Variants in KCNJ5 observed in about 807,000 individuals in gnomAD.
KCNJ5 encodes potassium inwardly rectifying channel subfamily J member 5.
In KCNJ5, 12 loss-of-function variants were observed where a neutral mutation model predicts 20.2. That is an observed-to-expected ratio of 0.59 (90% CI 0.38 to 0.96). The LOEUF is 0.96. KCNJ5 is among the 40% of genes least tolerant of loss of function. The probability of loss-of-function intolerance (pLI) is 0.00; values close to 1 mark genes in which losing one functional copy is unlikely to be tolerated. For missense variants in KCNJ5, 449 were observed against 557.6 expected (o/e 0.81, Z 1.96); for synonymous variants, 210 against 213.9 (o/e 0.98, Z 0.16).
rs1274434170 is a variant in KCNJ5, at chr11:128,920,144, C to T, written c.*3413C>T. ...AACTCGTTCCCACTCATTTTCCTTG[C>T]TCCACCAATCTGACGCCTGACAGAT... On this transcript the variant is annotated 3_prime_UTR_variant, in exon 3 of 3. Transcript: ENST00000529694. 3 of 152,308 alleles carry T rather than the reference C, an allele frequency of 2.0e-5. No individual in the cohort carries two copies. Among genetic ancestry groups the T allele is most frequent in the Non-Finnish European group, 4.4e-5 (3 of 68,086 alleles). 9.4% of individuals were successfully genotyped at this position (152,308 alleles called of 1,614,324 possible).
At chr11:128,904,726 A>C in intron 1 of KCNJ5, 2 of 583,670 alleles carry the variant, frequency 3.4e-6, no homozygotes, top group Non-Finnish European at 6.1e-6. Flanking sequence ...ACATAATTCA[A>C]ACACCCAGTG....
intron 1 of KCNJ5, among the ~76,000 whole-genome samples, chr11:128,892,263 A>G (rs968163072): frequency 2.0e-5 from 3 of 152,228 alleles, no homozygotes; most frequent in African/African-American, 7.2e-5. Context: ...GAGCTTTCAA[A>G]TGGTTCAGAA....
chr11:128,904,981 C>T (rs543414978), intron 1 of KCNJ5, among the ~76,000 whole-genome samples: 74 of 152,344 alleles, frequency 4.9e-4, no homozygotes, highest in Non-Finnish European at 7.3e-4. Flanking sequence ...TACCACCGGG[C>T]TCTGTGCCAT....
At chr11:128,896,691 G>A (rs1276252789) in intron 1 of KCNJ5, among the ~76,000 whole-genome samples, 3 of 151,918 alleles carry the variant, frequency 2.0e-5, no homozygotes, top group Admixed American at 2.0e-4. Context: ...ATAGTGGGAA[G>A]GTACCATTGC....
chr11:128,914,507 C>G (rs934579338), intron 2 of KCNJ5, among the ~76,000 whole-genome samples: 2 of 152,206 alleles, frequency 1.3e-5, no homozygotes, highest in Non-Finnish European at 2.9e-5. Flanking sequence ...TGGCCCACAT[C>G]TGTCCTGGAT....
At chr11:128,909,043 C>T (rs1944464683) in intron 1 of KCNJ5, among the ~76,000 whole-genome samples, 1 of 152,086 alleles carries the variant, frequency 6.6e-6, no homozygotes, top group Non-Finnish European at 1.5e-5. Flanking sequence ...AGCAGGTGGC[C>T]CTATGCAGAA....
At chr11:128,902,420 G>T in intron 1 of KCNJ5, 2 of 1,104,426 alleles carry the variant, frequency 1.8e-6, no homozygotes, top group Non-Finnish European at 2.6e-6. Flanking sequence ...GTTCTCTGCA[G>T]CAGGTTTGCA....
Position 128,910,350 on chromosome 11 carries a change from T to G in KCNJ5, c.-10-914T>G, listed in dbSNP as rs115566487. On this transcript the variant is annotated intron_variant, in intron 1 of 2. Coordinates refer to ENST00000529694, the MANE Select transcript of KCNJ5 (RefSeq NM_000890.5). Reference sequence around the variant, plus strand: ...TTAACATCCTGTCCAGTTCCATTTCTTAGAGGACAGGGAATCAAATTTTCT... The same window carrying G: ...TTAACATCCTGTCCAGTTCCATTTCGTAGAGGACAGGGAATCAAATTTTCT... Among the ~76,000 whole-genome samples, 1,250 of 152,280 alleles carry G rather than the reference T, an allele frequency of 8.2e-3. 16 individuals carry two copies. The highest frequency in any genetic ancestry group is 0.029 in the African/African-American group (1,204 of 41,526).
At chr11:128,916,111 TG>T (rs1944576190) in intron 2 of KCNJ5, among the ~76,000 whole-genome samples, 3 of 75,680 alleles carry the variant, frequency 4.0e-5, no homozygotes, top group South Asian at 4.1e-4. Flanking sequence ...ATTGGATGGA[TG>T]GATGGATGGA....
Position 128,919,881 on chromosome 11 carries a change from C to T in KCNJ5, c.*3150C>T, listed in dbSNP as rs1259441450. The T allele has an allele frequency of 6.6e-6, 1 of 152,238 alleles. No homozygotes were observed. The highest frequency in any genetic ancestry group is 2.4e-5 in the African/African-American group (1 of 41,442). The allele number at this position is 152,238 out of a possible 1,614,324, so 9.4% of individuals were successfully genotyped here. A position where few individuals can be genotyped will look rare whatever the true frequency, so the allele number is the denominator to read the frequency against. ...ATACAAACCACTCAGAGGCCACTGC[C>T]CTTGGTTCTGTGATGGCTCTGAGCC... On this transcript the variant is annotated 3_prime_UTR_variant, in exon 3 of 3. Transcript: ENST00000529694.
Position 128,912,181 on chromosome 11 carries a change from T to C in KCNJ5, c.908T>C (p.Val303Ala). 6.2e-7 allele frequency: 1 copy of C among 1,605,870 alleles called. No individual in the cohort carries two copies. Among genetic ancestry groups the C allele is most frequent in the Non-Finnish European group, 8.5e-7 (1 of 1,179,956 alleles). ...CATCAGGAAGAGTTTGAAGTTGTGGTCATTCTAGAAGGGATGGTGGAAGCC... is the reference window on the plus strand; with the variant it reads ...CATCAGGAAGAGTTTGAAGTTGTGGCCATTCTAGAAGGGATGGTGGAAGCC... ...QLHQEEFEVV[V>A]ILEGMVEATG... Residue 303 changes from valine to alanine, a missense_variant, in exon 2 of 3, where the codon GTC becomes GCC. This residue lies in a region of KCNJ5 where 145 missense variants were observed against 166.2 expected (regional missense o/e 0.87). Coordinates refer to ENST00000529694, the MANE Select transcript of KCNJ5 (RefSeq NM_000890.5).
intron 2 of KCNJ5, among the ~76,000 whole-genome samples, chr11:128,915,108 T>G (rs78704918): frequency 0.085 from 12,957 of 152,302 alleles, 642 homozygotes; most frequent in East Asian, 0.2. Context: ...AAGTGGGAGC[T>G]GGAGACGGTT....
chr11:128,900,875 T>C (rs544819855), intron 1 of KCNJ5: 1 of 152,278 alleles, frequency 6.6e-6, no homozygotes, highest in African/African-American at 2.4e-5. Flanking sequence ...TTCCACATAC[T>C]AGGAATACCG....
chr11:128,909,108 T>C (rs565515227), intron 1 of KCNJ5, among the ~76,000 whole-genome samples: 3 of 152,176 alleles, frequency 2.0e-5, no homozygotes, highest in South Asian at 2.1e-4. Context: ...CCTTTTGATA[T>C]GATGTTTTAA....
At chr11:128,895,388 C>CT (rs931834935) in intron 1 of KCNJ5, among the ~76,000 whole-genome samples, 1 of 147,554 alleles carries the variant, frequency 6.8e-6, no homozygotes, top group East Asian at 1.9e-4. Flanking sequence ...CCCCACCCCC[C>CT]CCCCAACCCC....
At position 128,912,005 on chromosome 11, in the gene KCNJ5, C is replaced by T. The variant is rs545729688; in HGVS notation, c.732C>T (p.Thr244=). The part of the protein sequence containing the change: ...IRAKLIKSRQ[T]KEGEFIPLNQ... ...CCAAGCTCATCAAGTCCCGGCAGAC[C>T]AAAGAGGGGGAGTTCATCCCCCTGA... The change falls in exon 2 of 3, where the codon ACC becomes ACT. Residue 244 remains threonine, a synonymous_variant. Transcript: ENST00000529694. 30 of 1,609,504 alleles carry T rather than the reference C, an allele frequency of 1.9e-5. No individual in the cohort carries two copies. The highest frequency in any genetic ancestry group is 4.4e-5 in the South Asian group (4 of 90,782).
intron 1 of KCNJ5, chr11:128,902,589 C>T: frequency 6.2e-7 from 1 of 1,612,094 alleles, no homozygotes; most frequent in Non-Finnish European, 8.5e-7. Flanking sequence ...GGCTGATGGG[C>T]ACTGAGGGGG....
At chr11:128,905,455 G>C (rs1009649916) in intron 1 of KCNJ5, 3 of 152,540 alleles carry the variant, frequency 2.0e-5, no homozygotes, top group Admixed American at 1.3e-4. Context: ...AGGGCTCCCG[G>C]TTCCTGCCGC....
chr11:128,898,667 C>G (rs1388304514), intron 1 of KCNJ5, among the ~76,000 whole-genome samples: 1 of 152,078 alleles, frequency 6.6e-6, no homozygotes, highest in African/African-American at 2.4e-5. Flanking sequence ...ACTCCTTACT[C>G]TGATTTTTCT....
Sources: allele counts gnomAD v4.1 joint callset (sites outside exome capture counted in the v4.1 genomes callset), GRCh38; gene constraint gnomAD v4.1.1; regional missense constraint gnomAD v4.1.1; transcripts MANE v1.5; gene names NCBI Gene and HGNC (gene_info 2026-07-23, HGNC 2026-07-21).